The following ZRANB1 variants were observed in gnomAD, a reference collection of about 807,000 sequenced individuals.
ZRANB1 encodes ubiquitin thioesterase ZRANB1.
A neutral mutation model predicts 80.5 loss-of-function variants in ZRANB1; 16 were observed. The ratio of observed to expected loss-of-function variants is 0.20; its 90% confidence interval spans 0.13 to 0.30. The LOEUF is 0.30. ZRANB1 is among the 10% of genes least tolerant of loss of function. The probability of loss-of-function intolerance (pLI) is 1.00; values close to 1 mark genes in which losing one functional copy is unlikely to be tolerated. For missense variants in ZRANB1, 576 were observed against 862.6 expected (o/e 0.67, Z 4.16); for synonymous variants, 291 against 293.1 (o/e 0.99, Z 0.07).
At chr10:124,926,373 T>C in the ZRANB1 span, among the ~76,000 whole-genome samples, 1 of 152,240 alleles carries the variant, frequency 6.6e-6, no homozygotes, top group Non-Finnish European at 1.5e-5. Context: ...CACAAACACA[T>C]TGTGTAGCTG....
At chr10:124,921,655 AAG>A in the ZRANB1 span, among the ~76,000 whole-genome samples, 3 of 152,276 alleles carry the variant, frequency 2.0e-5, no homozygotes, top group East Asian at 5.8e-4. Flanking sequence ...AGTATATAAA[AAG>A]TATTTTTTTT....
At chr10:124,977,764 ATGT>A (rs1951892297) in intron 5 of ZRANB1, among the ~76,000 whole-genome samples, 1 of 148,338 alleles carries the variant, frequency 6.7e-6, no homozygotes, top group Admixed American at 6.7e-5. Context: ...ATACAGTCTG[ATGT>A]TGTAAATAGG....
rs537204426 is a variant in ZRANB1 at position 124,986,624 on chromosome 10, T to C, written c.*1632T>C. The C allele has an allele frequency of 9.8e-5, 15 of 152,294 alleles. No homozygotes were observed. The East Asian group carries it at 2.7e-3, about 27-fold the overall frequency. 9.4% of individuals were successfully genotyped at this position (152,294 alleles called of 1,614,324 possible). On this transcript the variant is annotated 3_prime_UTR_variant, in exon 9 of 9. Coordinates refer to ENST00000359653, the MANE Select transcript of ZRANB1 (RefSeq NM_017580.3). ...TTGATATAATGTAAATGCTGCTGTT[T>C]GTTTCAAGTGGTGAATGTGTTGTTA...
At chr10:124,962,462 A>G in intron 1 of ZRANB1, 7 of 934,324 alleles carry the variant, frequency 7.5e-6, no homozygotes, top group Non-Finnish European at 8.9e-6. Context: ...GTTAATAACC[A>G]TTATAATTTT....
At chr10:124,965,009 A>C (rs1177974429) in intron 1 of ZRANB1, among the ~76,000 whole-genome samples, 1 of 152,266 alleles carries the variant, frequency 6.6e-6, no homozygotes, top group Non-Finnish European at 1.5e-5. Flanking sequence ...AATTGGAAAC[A>C]GAAAACTCTT....
upstream of ZRANB1, among the ~76,000 whole-genome samples, chr10:124,941,016 A>C (rs537428152): frequency 1.1e-4 from 17 of 152,110 alleles, no homozygotes; most frequent in African/African-American, 2.7e-4. Context: ...CAACAACAAA[A>C]AAACAAACAA....
chr10:124,972,857 C>T (rs770555142), intron 3 of ZRANB1, among the ~76,000 whole-genome samples: 6 of 151,446 alleles, frequency 4.0e-5, no homozygotes, highest in African/African-American at 1.5e-4. Context: ...TAGCTTACTG[C>T]GCCTTCAACT....
At chr10:124,947,004 C>G (rs1420778661) in intron 1 of ZRANB1, among the ~76,000 whole-genome samples, 1 of 152,100 alleles carries the variant, frequency 6.6e-6, no homozygotes, top group Non-Finnish European at 1.5e-5. Context: ...AAATTGCAAC[C>G]TCAGGTCAGC....
the ZRANB1 span, among the ~76,000 whole-genome samples, chr10:124,930,529 G>A: frequency 1.3e-5 from 2 of 152,342 alleles, no homozygotes; most frequent in East Asian, 1.9e-4. Context: ...GCCTCCCAAA[G>A]TGCTGGGATT....
intron 1 of ZRANB1, among the ~76,000 whole-genome samples, chr10:124,965,554 G>A (rs1564962721): frequency 6.6e-6 from 1 of 152,204 alleles, no homozygotes; most frequent in Non-Finnish European, 1.5e-5. Context: ...TAAGGAATAT[G>A]TCTGATCTAA....
chr10:124,970,850 T>TTTG (rs1951819503), intron 2 of ZRANB1, among the ~76,000 whole-genome samples: 2 of 146,450 alleles, frequency 1.4e-5, no homozygotes, highest in Non-Finnish European at 3.0e-5. Context: ...TTTTTTTTTT[T>TTTG]TTTTTTTGGC....
At chr10:124,940,599 T>G, upstream of ZRANB1, 1 of 1,109,412 alleles carries the variant, frequency 9.0e-7, no homozygotes, top group Non-Finnish European at 1.2e-6. Context: ...CTTATAGTGA[T>G]TTTTTTTTCT....
rs1468255735 is a variant in ZRANB1 at position 124,985,823 on chromosome 10, G to C, written c.*831G>C. 6.6e-6 allele frequency: 1 copy of C among 152,316 alleles called. No individual in the cohort carries two copies. The highest frequency in any genetic ancestry group is 2.1e-4 in the South Asian group (1 of 4,828). 9.4% of individuals were successfully genotyped at this position (152,316 alleles called of 1,614,324 possible). A position where few individuals can be genotyped will look rare whatever the true frequency, so the allele number is the denominator to read the frequency against. ...CCACTTGTCACTAAATGAATTGTGT[G>C]AAATGTGCTCACTTGGACTCCATCA... On this transcript the variant is annotated 3_prime_UTR_variant, in exon 9 of 9. Transcript: ENST00000359653.
At chr10:124,977,275 C>CTT (rs201153304) in intron 5 of ZRANB1, among the ~76,000 whole-genome samples, 30 of 130,584 alleles carry the variant, frequency 2.3e-4, no homozygotes, top group African/African-American at 3.1e-4. Context: ...TGCACCTGGC[C>CTT]TTTTTTTTTT....
the ZRANB1 span, among the ~76,000 whole-genome samples, chr10:124,930,979 A>T: frequency 3.3e-5 from 5 of 152,136 alleles, no homozygotes; most frequent in Non-Finnish European, 7.3e-5. Flanking sequence ...GCAGTGAGCC[A>T]TGATCATGCT....
At chr10:124,957,423 T>G (rs1429315065) in intron 1 of ZRANB1, among the ~76,000 whole-genome samples, 1 of 152,162 alleles carries the variant, frequency 6.6e-6, no homozygotes, top group Non-Finnish European at 1.5e-5. Context: ...AAGATAAAAT[T>G]TATACCATTT....
the ZRANB1 span, among the ~76,000 whole-genome samples, chr10:124,921,832 T>G: frequency 3.3e-5 from 5 of 152,042 alleles, no homozygotes; most frequent in African/African-American, 9.7e-5. Flanking sequence ...CATTCTTTGC[T>G]TTTTGGAAGG....
chr10:124,974,267 G>C lies in ZRANB1; in HGVS notation c.1296G>C (p.Leu432=), dbSNP rs144525761. The C allele has an allele frequency of 4.9e-4, 790 of 1,614,110 alleles. 1 individual carries two copies. Among genetic ancestry groups the C allele is most frequent in the Non-Finnish European group, 6.5e-4 (771 of 1,180,042 alleles). ...LELATRLDSR[L]YALWNRTAGD... The stretch of plus-strand genomic sequence containing the variant: ...TGGCTACACGTTTGGACAGTCGACT[G>C]TATGCACTTTGGAACCGGACTGCAG... The change falls in exon 5 of 9, where the codon CTG becomes CTC. Residue 432 remains leucine (L), a synonymous_variant. Coordinates refer to ENST00000359653, the MANE Select transcript of ZRANB1 (RefSeq NM_017580.3).
In ZRANB1 at chr10:124,966,446, T is replaced by A. The variant is rs1478766221; in HGVS notation, c.815-148T>A. On this transcript the variant is annotated intron_variant, in intron 1 of 8. Transcript: ENST00000359653. ...TTAAAGGGAAAGGAAAAAACTTATTTTCCTTACTCTTATAGGACATTTAAA... is the reference window on the plus strand; with the variant it reads ...TTAAAGGGAAAGGAAAAAACTTATTATCCTTACTCTTATAGGACATTTAAA... The A allele has an allele frequency of 3.9e-6, 3 of 768,416 alleles. No individual in the cohort carries two copies. In the Admixed American group the frequency reaches 8.8e-5, roughly 23 times the overall value. The allele number at this position is 768,416 out of a possible 1,614,324, so 47.6% of individuals were successfully genotyped here. A position where few individuals can be genotyped will look rare whatever the true frequency, so the allele number is the denominator to read the frequency against.
Sources: allele counts gnomAD v4.1 joint callset (sites outside exome capture counted in the v4.1 genomes callset), GRCh38; gene constraint gnomAD v4.1.1; transcripts MANE v1.5; gene names NCBI Gene and HGNC (gene_info 2026-07-23, HGNC 2026-07-21).